PPP1R12A: variants seen among roughly 807,000 people sequenced by gnomAD.
The protein encoded by PPP1R12A is myosin binding subunit.
A neutral mutation model predicts 139.6 loss-of-function variants in PPP1R12A; 19 were observed. The ratio of observed to expected loss-of-function variants is 0.14; its 90% CI spans 0.09 to 0.20. The LOEUF is 0.20. Among genes scored for constraint, PPP1R12A ranks in the 10% least tolerant of loss-of-function variants. The pLI, the probability that PPP1R12A is intolerant of heterozygous loss-of-function variation, is 1.00. For missense variants in PPP1R12A, 925 were observed against 1,211.5 expected (o/e 0.76, Z 3.51); for synonymous variants, 427 against 420.6 (o/e 1.02, Z -0.19).
At chr12:79,814,606 A>G (rs910105512) in intron 9 of PPP1R12A, among the ~76,000 whole-genome samples, 1 of 150,912 alleles carries the variant, frequency 6.6e-6, no homozygotes, top group Non-Finnish European at 1.5e-5. Context: ...ACCTGAGGTC[A>G]GGAGTTTGAG....
At position 79,788,789 on chromosome 12, in the gene PPP1R12A, A is replaced by G. The variant is rs1486598201; in HGVS notation, c.2667-6T>C. On this transcript the variant is annotated splice_polypyrimidine_tract_variant and splice_region_variant and intron_variant, in intron 20 of 24. Transcript: ENST00000450142. ...ATGTAGAACTGGTTTCATATCTTCAAAAGATTAATTTAAATAAAAAACCTT... is the reference window on the plus strand; with the variant it reads ...ATGTAGAACTGGTTTCATATCTTCAGAAGATTAATTTAAATAAAAAACCTT... 3.2e-6 allele frequency: 5 copies of G among 1,580,106 alleles called. No individual in the cohort carries two copies. The highest frequency in any genetic ancestry group is 1.1e-5 in the South Asian group (1 of 87,144).
At chr12:79,883,475 G>A (rs1288552318) in intron 1 of PPP1R12A, among the ~76,000 whole-genome samples, 2 of 152,002 alleles carry the variant, frequency 1.3e-5, no homozygotes, top group Non-Finnish European at 2.9e-5. Flanking sequence ...AATGTTCAAG[G>A]TTTAATGAAA....
chr12:79,826,599 T>C (rs1198003742), intron 5 of PPP1R12A, among the ~76,000 whole-genome samples: 1 of 152,180 alleles, frequency 6.6e-6, no homozygotes, highest in East Asian at 1.9e-4. Flanking sequence ...GCTGCTACTA[T>C]AGTAATTTTT....
chr12:79,892,347 T>C (rs1216849938), intron 1 of PPP1R12A, among the ~76,000 whole-genome samples: 8 of 152,204 alleles, frequency 5.3e-5, no homozygotes, highest in African/African-American at 1.9e-4. Context: ...AAAATAATAA[T>C]TGTCTGATAA....
At chr12:79,932,719 C>A (rs535330912) in intron 1 of PPP1R12A, among the ~76,000 whole-genome samples, 49 of 152,134 alleles carry the variant, frequency 3.2e-4, no homozygotes, top group African/African-American at 1.2e-3. Context: ...ATTCTTGTAA[C>A]GTGTGAATAT....
intron 1 of PPP1R12A, among the ~76,000 whole-genome samples, chr12:79,915,474 C>T (rs1356518990): frequency 2.0e-5 from 3 of 152,036 alleles, no homozygotes; most frequent in Non-Finnish European, 2.9e-5. Flanking sequence ...AGGCTTAACA[C>T]TATTTTTGCT....
intron 20 of PPP1R12A, among the ~76,000 whole-genome samples, chr12:79,789,836 G>A (rs1218657487): frequency 6.6e-6 from 1 of 151,426 alleles, no homozygotes; most frequent in Non-Finnish European, 1.5e-5. Flanking sequence ...GGAGTGCAGT[G>A]GCACAACCAT....
chr12:79,797,190 G>A lies in PPP1R12A; in HGVS notation c.2292+5C>T. On this transcript the variant is annotated splice_donor_5th_base_variant and intron_variant, in intron 16 of 24. Transcript: ENST00000450142. ...GACTTAAATGTGCTTTTGATATACT[G>A]TTACCTCATCATACGTTCTGGAGTA... The A allele has an allele frequency of 1.3e-6, 2 of 1,575,362 alleles. No homozygotes were observed. The highest frequency in any genetic ancestry group is 1.7e-6 in the Non-Finnish European group (2 of 1,160,438).
chr12:79,927,124 G>A (rs1028850328), intron 1 of PPP1R12A, among the ~76,000 whole-genome samples: 6 of 152,022 alleles, frequency 3.9e-5, no homozygotes, highest in African/African-American at 1.2e-4. Flanking sequence ...GCCCAGGAAG[G>A]CTACAGTGAA....
upstream of PPP1R12A, chr12:79,935,190 C>A: frequency 7.6e-7 from 1 of 1,322,698 alleles, no homozygotes; most frequent in Non-Finnish European, 9.6e-7. Flanking sequence ...GCCAATCTAA[C>A]GTAACTTCGC....
At chr12:79,779,529 T>A (rs947438034) in intron 23 of PPP1R12A, 5 of 417,308 alleles carry the variant, frequency 1.2e-5, no homozygotes, top group African/African-American at 1.0e-4. Flanking sequence ...GATCGTCTTT[T>A]AAGTACCATG....
At chr12:79,777,037 T>C (rs1359099882) in intron 24 of PPP1R12A, 1 of 420,672 alleles carries the variant, frequency 2.4e-6, no homozygotes, top group Non-Finnish European at 3.2e-6. Flanking sequence ...TATAGTAATA[T>C]TAAGTTTATT....
intron 1 of PPP1R12A, among the ~76,000 whole-genome samples, chr12:79,915,447 AT>A (rs898842033): frequency 7.3e-5 from 11 of 150,410 alleles, no homozygotes; most frequent in Admixed American, 1.3e-4. Context: ...TGCAGAATAG[AT>A]TTTTTTTTTA....
chr12:79,779,449 A>G, intron 23 of PPP1R12A: 1 of 910,810 alleles, frequency 1.1e-6, no homozygotes, highest in African/African-American at 1.7e-5. Flanking sequence ...TATTTAGTCA[A>G]GCAGTACATT....
At chr12:79,854,853 T>C (rs1034390616) in intron 2 of PPP1R12A, among the ~76,000 whole-genome samples, 21 of 152,010 alleles carry the variant, frequency 1.4e-4, no homozygotes, top group African/African-American at 5.1e-4. Flanking sequence ...TTTGTTGTTG[T>C]TGGTAGAGAT....
intron 5 of PPP1R12A, chr12:79,825,266 T>C (rs999919924): frequency 3.3e-5 from 5 of 152,178 alleles, no homozygotes; most frequent in Non-Finnish European, 7.4e-5. Context: ...TAAATCTTTA[T>C]AATGACAGTT....
chr12:79,867,150 A>G (rs537587210), intron 2 of PPP1R12A, among the ~76,000 whole-genome samples: 246 of 152,308 alleles, frequency 1.6e-3, no homozygotes, highest in African/African-American at 5.6e-3. Context: ...ATAAAAAAGG[A>G]TGAGTTCATG....
intron 1 of PPP1R12A, among the ~76,000 whole-genome samples, chr12:79,914,498 T>C (rs1250991526): frequency 1.3e-5 from 2 of 152,130 alleles, no homozygotes; most frequent in Admixed American, 1.3e-4. Flanking sequence ...AAAATTTCTT[T>C]AACATTTGTT....
chr12:79,806,390 A>C, intron 12 of PPP1R12A, 57 bp from the exon 13 acceptor site: 1 of 1,436,728 alleles, frequency 7.0e-7, no homozygotes, highest in Non-Finnish European at 9.5e-7. Context: ...TCTATAGTTA[A>C]TGTCTATACA....
Sources: allele counts gnomAD v4.1 joint callset (sites outside exome capture counted in the v4.1 genomes callset), GRCh38; gene constraint gnomAD v4.1.1; transcripts MANE v1.5; gene names NCBI Gene and HGNC (gene_info 2026-07-23, HGNC 2026-07-21).